The following NFIB variants were observed in gnomAD, a reference collection of about 807,000 sequenced individuals.
NFIB encodes the protein nuclear factor 1 B-type.
A neutral mutation model predicts 61.5 loss-of-function variants in NFIB; 11 were observed. That is an observed-to-expected ratio of 0.18 (90% CI 0.11 to 0.30). The LOEUF is 0.30. Ranked by LOEUF, NFIB falls within the 10% of genes least tolerant of loss-of-function variation. The pLI is 1.00. For missense variants in NFIB, 471 were observed against 608.9 expected (o/e 0.77, Z 2.38); for synonymous variants, 260 against 216.5 (o/e 1.20, Z -1.76).
chr9:14,361,022 C>G (rs1360149596), intron 1 of NFIB, among the ~76,000 whole-genome samples: 2 of 152,040 alleles, frequency 1.3e-5, no homozygotes, highest in Non-Finnish European at 2.9e-5. Flanking sequence ...AAATGATTTA[C>G]ATTCAGCATT....
At chr9:14,226,083 TA>T (rs1484742109) in intron 2 of NFIB, among the ~76,000 whole-genome samples, 2 of 149,606 alleles carry the variant, frequency 1.3e-5, no homozygotes, top group Non-Finnish European at 2.9e-5. Flanking sequence ...CTATACATTT[TA>T]AAGAGCATTT....
chr9:14,162,845 G>A (rs904891551), intron 3 of NFIB, among the ~76,000 whole-genome samples: 11 of 151,934 alleles, frequency 7.2e-5, no homozygotes, highest in East Asian at 3.9e-4. Flanking sequence ...TATTAGCACC[G>A]TTATTTTACA....
chr9:14,499,643 T>G, the NFIB span, among the ~76,000 whole-genome samples: 1 of 152,152 alleles, frequency 6.6e-6, no homozygotes, highest in Non-Finnish European at 1.5e-5. Context: ...AAAATAATGC[T>G]TGTGAAGGGG....
At chr9:14,191,220 C>A (rs1297460648) in intron 2 of NFIB, among the ~76,000 whole-genome samples, 2 of 151,788 alleles carry the variant, frequency 1.3e-5, no homozygotes, top group Non-Finnish European at 2.9e-5. Flanking sequence ...CCCAACTACT[C>A]GAGAGGCTAA....
At chr9:14,147,816 A>AT (rs1432356425) in intron 5 of NFIB, among the ~76,000 whole-genome samples, 2 of 151,566 alleles carry the variant, frequency 1.3e-5, no homozygotes, top group Non-Finnish European at 2.9e-5. Flanking sequence ...TGATTTTAGT[A>AT]TTTTTTGTAG....
At chr9:14,160,435 T>TA (rs890368945) in intron 3 of NFIB, among the ~76,000 whole-genome samples, 57 of 150,766 alleles carry the variant, frequency 3.8e-4, no homozygotes, top group African/African-American at 1.1e-3. Context: ...TTCTTGAAAT[T>TA]AAAAAAAAAG....
rs551980330 is a variant in NFIB at position 14,281,905 on chromosome 9, A to G, written c.562+25084T>C. The stretch of plus-strand genomic sequence containing the variant: ...ATAAGAATGACTAAATCCCATATTT[A>G]TAAATGCCCAGAGGAACAAAAAATG... On this transcript the variant is annotated intron_variant, in intron 2 of 10. Coordinates refer to ENST00000380953, the MANE Select transcript of NFIB (RefSeq NM_001190737.2). 2.6e-5 allele frequency among the ~76,000 whole-genome samples: 4 copies of G among 152,312 alleles called. No homozygotes were observed. In the East Asian group the frequency reaches 5.8e-4, roughly 22 times the overall value.
At chr9:14,356,860 G>A (rs1330582145) in intron 1 of NFIB, among the ~76,000 whole-genome samples, 1 of 152,222 alleles carries the variant, frequency 6.6e-6, no homozygotes, top group Non-Finnish European at 1.5e-5. Context: ...AGTCACCGGT[G>A]AGTGGTCATG....
At chr9:14,497,020 T>A in the NFIB span, among the ~76,000 whole-genome samples, 1 of 152,184 alleles carries the variant, frequency 6.6e-6, no homozygotes, top group South Asian at 2.1e-4. Flanking sequence ...CACATTCAGA[T>A]CTACTACTTA....
At chr9:14,356,019 A>G (rs970975612) in intron 1 of NFIB, among the ~76,000 whole-genome samples, 1 of 152,054 alleles carries the variant, frequency 6.6e-6, no homozygotes, top group African/African-American at 2.4e-5. Flanking sequence ...ACTTTCAACA[A>G]CGGGCTTGCA....
intron 9 of NFIB, among the ~76,000 whole-genome samples, chr9:14,115,499 C>T (rs968228907): frequency 9.2e-5 from 14 of 152,058 alleles, no homozygotes; most frequent in African/African-American, 2.2e-4. Context: ...AGGAATGATG[C>T]GGCTTATTGG....
intron 2 of NFIB, among the ~76,000 whole-genome samples, chr9:14,228,753 C>A (rs2052757191): frequency 6.6e-6 from 1 of 152,180 alleles, no homozygotes; most frequent in Middle Eastern, 3.2e-3. Flanking sequence ...TTCAGTCCAT[C>A]TGAGATGTCT....
At chr9:14,366,706 G>A (rs906809017) in intron 1 of NFIB, among the ~76,000 whole-genome samples, 4 of 152,162 alleles carry the variant, frequency 2.6e-5, no homozygotes, top group African/African-American at 7.2e-5. Flanking sequence ...GGCTGGTCTC[G>A]AACTCCTGAC....
At chr9:14,525,320 T>C in the NFIB span, among the ~76,000 whole-genome samples, 9 of 152,304 alleles carry the variant, frequency 5.9e-5, no homozygotes, top group East Asian at 1.7e-3. Flanking sequence ...AGTCAATGGT[T>C]GGGTTCTTGG....
At chr9:14,412,506 G>A in the NFIB span, among the ~76,000 whole-genome samples, 1 of 152,184 alleles carries the variant, frequency 6.6e-6, no homozygotes, top group African/African-American at 2.4e-5. Context: ...CAAAATGAAG[G>A]TTCATTCTTC....
intron 10 of NFIB, among the ~76,000 whole-genome samples, chr9:14,092,184 T>A (rs1018780162): frequency 4.6e-5 from 7 of 152,070 alleles, no homozygotes; most frequent in Non-Finnish European, 8.8e-5. Flanking sequence ...CACCAAATTA[T>A]GTCATTGCAG....
intron 2 of NFIB, among the ~76,000 whole-genome samples, chr9:14,290,932 T>C (rs2059053564): frequency 6.6e-6 from 1 of 152,122 alleles, no homozygotes; most frequent in South Asian, 2.1e-4. Flanking sequence ...TGGTTTCCTG[T>C]ACTTGCATTG....
the NFIB span, among the ~76,000 whole-genome samples, chr9:14,433,602 G>A: frequency 2.6e-5 from 4 of 152,102 alleles, no homozygotes; most frequent in Admixed American, 6.5e-5. Context: ...TGTTATTACT[G>A]TATAGCCCTG....
intron 1 of NFIB, among the ~76,000 whole-genome samples, chr9:14,346,473 G>A (rs1454539148): frequency 6.6e-6 from 1 of 152,094 alleles, no homozygotes; most frequent in Non-Finnish European, 1.5e-5. Context: ...AGCCCAACCC[G>A]ATGGGATTCA....
Sources: allele counts gnomAD v4.1 joint callset (sites outside exome capture counted in the v4.1 genomes callset), GRCh38; gene constraint gnomAD v4.1.1; transcripts MANE v1.5; gene names NCBI Gene and HGNC (gene_info 2026-07-23, HGNC 2026-07-21).